The following GRM5 variants were observed in gnomAD, a reference collection of about 807,000 sequenced individuals.
GRM5 encodes the protein metabotropic glutamate receptor 5.
GRM5 carries 19 observed loss-of-function variants against 83.1 expected under a neutral mutation model. The observed-to-expected ratio is 0.23, with a 90% confidence interval of 0.16 to 0.34. The LOEUF is 0.34. Among genes scored for constraint, GRM5 ranks in the 10% least tolerant of loss-of-function variants. The pLI, the probability that GRM5 is intolerant of heterozygous loss-of-function variation, is 1.00. For missense variants in GRM5, 1,160 were observed against 1,588.3 expected (o/e 0.73, Z 4.58); for synonymous variants, 675 against 633.6 (o/e 1.07, Z -0.98).
At chr11:88,638,428 G>T (rs1292058701) in intron 4 of GRM5, among the ~76,000 whole-genome samples, 3 of 151,960 alleles carry the variant, frequency 2.0e-5, no homozygotes, top group Non-Finnish European at 2.9e-5. Context: ...TTGTTTGTTT[G>T]TTTGTTTGTT....
chr11:89,000,035 C>T (rs1448581017), intron 2 of GRM5, among the ~76,000 whole-genome samples: 1 of 151,462 alleles, frequency 6.6e-6, no homozygotes, highest in Non-Finnish European at 1.5e-5. Flanking sequence ...GGGAATTGAA[C>T]AATGAGAACA....
chr11:88,957,045 GA>G (rs536114290), intron 2 of GRM5, among the ~76,000 whole-genome samples: 17 of 152,288 alleles, frequency 1.1e-4, no homozygotes, highest in African/African-American at 4.1e-4. Context: ...AGTTCAAGGT[GA>G]AAAGTGCTAT....
chr11:88,951,089 GT>G (rs1565306519), intron 2 of GRM5, among the ~76,000 whole-genome samples: 1 of 152,122 alleles, frequency 6.6e-6, no homozygotes, highest in Non-Finnish European at 1.5e-5. Flanking sequence ...GTGTGTGTGT[GT>G]GTGTATCTGT....
intron 2 of GRM5, among the ~76,000 whole-genome samples, chr11:88,954,498 T>C (rs559731353): frequency 6.6e-6 from 1 of 152,290 alleles, no homozygotes; most frequent in East Asian, 1.9e-4. Context: ...TTTAACAATT[T>C]AGTAATATAA....
chr11:88,562,249 A>G (rs1942774361), intron 8 of GRM5, among the ~76,000 whole-genome samples: 5 of 152,166 alleles, frequency 3.3e-5, no homozygotes, highest in Admixed American at 3.3e-4. Flanking sequence ...CTTTTTGACC[A>G]AATAATTTCT....
chr11:88,621,358 G>A (rs1042670134), intron 4 of GRM5, among the ~76,000 whole-genome samples: 6 of 152,114 alleles, frequency 3.9e-5, no homozygotes, highest in Non-Finnish European at 5.9e-5. Context: ...CTTATCATAC[G>A]TTAAAACACA....
At chr11:88,704,182 T>C (rs1188541172) in intron 3 of GRM5, among the ~76,000 whole-genome samples, 1 of 152,016 alleles carries the variant, frequency 6.6e-6, no homozygotes, top group African/African-American at 2.4e-5. Context: ...TCTAATCCTC[T>C]TTATCTTCCA....
At chr11:88,617,375 C>CA (rs1197941198) in intron 4 of GRM5, among the ~76,000 whole-genome samples, 1 of 152,106 alleles carries the variant, frequency 6.6e-6, no homozygotes, top group Non-Finnish European at 1.5e-5. Flanking sequence ...TAACAGAACT[C>CA]AAAACATCAC....
Position 88,822,810 on chromosome 11 carries a change from T to C in GRM5, c.911+27096A>G, listed in dbSNP as rs187921530. ...CTCTCTCCTTCCCTCCCTTCCTCCT[T>C]CTCTCCCTCCCCTTTTGTCGCCCAA... On this transcript the variant is annotated intron_variant, in intron 3 of 9. Transcript: ENST00000305447. Among the ~76,000 whole-genome samples, 4 of 151,976 alleles carry C rather than the reference T, an allele frequency of 2.6e-5. No individual in the cohort carries two copies. In the East Asian group the frequency reaches 7.7e-4, roughly 29 times the overall value.
rs575213786 is a variant in GRM5, at chr11:88,611,053, C to T, written c.1148-6089G>A. 2.6e-5 allele frequency among the ~76,000 whole-genome samples: 4 copies of T among 152,094 alleles called. No individual in the cohort carries two copies. In the South Asian group the frequency reaches 8.3e-4, roughly 32 times the overall value. On this transcript the variant is annotated intron_variant, in intron 4 of 9. Coordinates refer to ENST00000305447, the MANE Select transcript of GRM5 (RefSeq NM_001143831.3). ...GCGTATGTTAAACCAACCATGAATCCCAGGAATAAGGCCTACTTGATGGTG... is the reference window on the plus strand; with the variant it reads ...GCGTATGTTAAACCAACCATGAATCTCAGGAATAAGGCCTACTTGATGGTG...
intron 3 of GRM5, among the ~76,000 whole-genome samples, chr11:88,654,456 CTT>C (rs1209138975): frequency 6.6e-6 from 1 of 152,064 alleles, no homozygotes; most frequent in Non-Finnish European, 1.5e-5. Context: ...GTGGTACTGT[CTT>C]TCCCTGGAAG....
chr11:88,623,805 T>A (rs1464321088), intron 4 of GRM5, among the ~76,000 whole-genome samples: 2 of 152,226 alleles, frequency 1.3e-5, no homozygotes, highest in Non-Finnish European at 2.9e-5. Context: ...CTGGAATCCT[T>A]TGGACCTGGG....
At chr11:88,748,441 G>T (rs894896338) in intron 3 of GRM5, among the ~76,000 whole-genome samples, 3 of 152,108 alleles carry the variant, frequency 2.0e-5, no homozygotes, top group African/African-American at 7.2e-5. Flanking sequence ...AGGTCTTCCT[G>T]AGATGGGTCT....
rs1346892545 is a variant in GRM5 at position 88,619,016 on chromosome 11, T to A, written c.1148-14052A>T. On this transcript the variant is annotated intron_variant, in intron 4 of 9. Transcript: ENST00000305447. ...CTTTTTTTCTTTATTCAAAACTACA[T>A]CCTTGAGTTAGACCACTTAACATTC... Among the ~76,000 whole-genome samples the A allele has an allele frequency of 4.6e-5, 7 of 152,262 alleles. No homozygotes were observed. The East Asian group carries it at 1.3e-3, about 29-fold the overall frequency.
At chr11:88,815,087 A>C (rs976952703) in intron 3 of GRM5, among the ~76,000 whole-genome samples, 1 of 152,174 alleles carries the variant, frequency 6.6e-6, no homozygotes, top group East Asian at 1.9e-4. Flanking sequence ...GGCTAACTGA[A>C]ATTTATAGAA....
chr11:88,791,673 T>G (rs1304680488), intron 3 of GRM5, among the ~76,000 whole-genome samples: 1 of 152,066 alleles, frequency 6.6e-6, no homozygotes, highest in Non-Finnish European at 1.5e-5. Flanking sequence ...TATACTGAAG[T>G]ATATGGGGCA....
intron 7 of GRM5, among the ~76,000 whole-genome samples, chr11:88,583,480 T>C (rs1203579144): frequency 6.6e-6 from 1 of 152,230 alleles, no homozygotes; most frequent in East Asian, 1.9e-4. Flanking sequence ...TACATTTCTT[T>C]TATGATTGAA....
At chr11:88,749,211 G>T (rs1465205829) in intron 3 of GRM5, among the ~76,000 whole-genome samples, 2 of 152,096 alleles carry the variant, frequency 1.3e-5, no homozygotes, top group African/African-American at 4.8e-5. Context: ...AACAATAAAG[G>T]AGCTGATAGC....
chr11:88,638,709 G>C (rs1383621303), intron 4 of GRM5, among the ~76,000 whole-genome samples: 2 of 152,028 alleles, frequency 1.3e-5, no homozygotes, highest in African/African-American at 4.8e-5. Context: ...GTGAACATTG[G>C]TAGAATGTTA....
Sources: allele counts gnomAD v4.1 joint callset (sites outside exome capture counted in the v4.1 genomes callset), GRCh38; gene constraint gnomAD v4.1.1; transcripts MANE v1.5; gene names NCBI Gene and HGNC (gene_info 2026-07-23, HGNC 2026-07-21).